Variants in FGF12 observed in about 807,000 individuals in gnomAD.
FGF12 encodes the protein fibroblast growth factor 12, also known as fibroblast growth factor 12B.
In FGF12, 14 loss-of-function variants were observed where a neutral mutation model predicts 23.6. The ratio of observed to expected loss-of-function variants is 0.59; its 90% CI spans 0.39 to 0.93. FGF12 has a LOEUF of 0.93. Ranked by LOEUF, FGF12 falls within the 40% of genes least tolerant of loss-of-function variation. The pLI, the probability that FGF12 is intolerant of heterozygous loss-of-function variation, is 0.00. For missense variants in FGF12, 175 were observed against 217.8 expected (o/e 0.80, Z 1.24); for synonymous variants, 62 against 77.3 (o/e 0.80, Z 1.04).
intron 2 of FGF12, among the ~76,000 whole-genome samples, chr3:192,493,861 C>T (rs1016727453): frequency 2.0e-5 from 3 of 152,124 alleles, no homozygotes; most frequent in African/African-American, 7.2e-5. Context: ...ACCTCCAGCA[C>T]TGGGAATTAC....
At chr3:192,272,325 G>C (rs954784480) in intron 4 of FGF12, among the ~76,000 whole-genome samples, 3 of 152,200 alleles carry the variant, frequency 2.0e-5, no homozygotes, top group Admixed American at 1.3e-4. Context: ...TGCAGACAAG[G>C]AAAGGGGACG....
At chr3:192,480,879 A>G (rs1444356395) in intron 2 of FGF12, among the ~76,000 whole-genome samples, 1 of 152,106 alleles carries the variant, frequency 6.6e-6, no homozygotes, top group South Asian at 2.1e-4. Context: ...CTATTGATTG[A>G]TCAAAGTGTT....
chr3:192,667,252 C>A (rs1716918534), intron 2 of FGF12, among the ~76,000 whole-genome samples: 1 of 152,036 alleles, frequency 6.6e-6, no homozygotes, highest in Non-Finnish European at 1.5e-5. Flanking sequence ...GGGAGAAAAG[C>A]TTCTGGAAAG....
rs76622295 is a variant in FGF12, at chr3:192,202,875, A to G, written c.229-32219T>C. Among the ~76,000 whole-genome samples the G allele has an allele frequency of 3.2e-4, 49 of 152,346 alleles. 1 individual carries two copies. The East Asian group carries it at 9.2e-3, about 29-fold the overall frequency. On this transcript the variant is annotated intron_variant, in intron 4 of 5. Coordinates refer to ENST00000445105, the MANE Select transcript of FGF12 (RefSeq NM_004113.6). Reference sequence around the variant, plus strand: ...ACGTGAAGCTGATAAAGACTGAAAAAAATAAGGTTAAGAACTTGTGATTAT... The same window carrying G: ...ACGTGAAGCTGATAAAGACTGAAAAGAATAAGGTTAAGAACTTGTGATTAT...
intron 4 of FGF12, among the ~76,000 whole-genome samples, chr3:192,328,508 T>C (rs1716942237): frequency 6.6e-6 from 1 of 152,184 alleles, no homozygotes; most frequent in South Asian, 2.1e-4. Flanking sequence ...CAATAGAAGC[T>C]CAGTATTTGG....
intron 2 of FGF12, among the ~76,000 whole-genome samples, chr3:192,586,748 G>GT (rs1713389100): frequency 6.6e-6 from 1 of 152,134 alleles, no homozygotes; most frequent in Non-Finnish European, 1.5e-5. Flanking sequence ...AAATATAAAT[G>GT]TAAGTCTAGG....
chr3:192,324,179 T>A (rs1716697096), intron 4 of FGF12, among the ~76,000 whole-genome samples: 1 of 151,926 alleles, frequency 6.6e-6, no homozygotes, highest in South Asian at 2.1e-4. Flanking sequence ...AACTTAAAAT[T>A]AAAAAATAAT....
intron 4 of FGF12, among the ~76,000 whole-genome samples, chr3:192,211,233 T>C (rs888781401): frequency 6.6e-6 from 1 of 152,094 alleles, no homozygotes; most frequent in African/African-American, 2.4e-5. Context: ...AAATATTATA[T>C]GTGGGATATA....
At chr3:192,518,845 T>G (rs1724744370) in intron 2 of FGF12, among the ~76,000 whole-genome samples, 5 of 152,176 alleles carry the variant, frequency 3.3e-5, no homozygotes, top group Non-Finnish European at 2.9e-5. Flanking sequence ...ATTTCTCTTC[T>G]TCCTTTTGTT....
At chr3:192,308,957 G>A (rs554731320) in intron 4 of FGF12, among the ~76,000 whole-genome samples, 2 of 152,190 alleles carry the variant, frequency 1.3e-5, no homozygotes, top group Non-Finnish European at 2.9e-5. Context: ...GTACAAACAT[G>A]TTTTGTAAAT....
intron 3 of FGF12, among the ~76,000 whole-genome samples, chr3:192,356,324 T>C (rs1397206650): frequency 6.6e-6 from 1 of 152,202 alleles, no homozygotes; most frequent in African/African-American, 2.4e-5. Flanking sequence ...ATGCTCTTAA[T>C]ATTTTATTGT....
chr3:192,469,110 C>T (rs566275656), intron 2 of FGF12, among the ~76,000 whole-genome samples: 1 of 152,216 alleles, frequency 6.6e-6, no homozygotes, highest in East Asian at 1.9e-4. Flanking sequence ...TGTTTAAGCA[C>T]GTCCTCATTT....
intron 2 of FGF12, among the ~76,000 whole-genome samples, chr3:192,688,054 G>T (rs894394296): frequency 1.3e-5 from 2 of 151,938 alleles, no homozygotes; most frequent in African/African-American, 2.4e-5. Flanking sequence ...CATGCCTTCA[G>T]CCAGCCGCCA....
chr3:192,317,561 C>T (rs1716294493), intron 4 of FGF12, among the ~76,000 whole-genome samples: 1 of 150,574 alleles, frequency 6.6e-6, no homozygotes, highest in South Asian at 2.1e-4. Context: ...CTAGCTCAAC[C>T]ACAGTAGAAT....
chr3:192,197,841 G>C (rs1717152837), intron 4 of FGF12, among the ~76,000 whole-genome samples: 1 of 151,634 alleles, frequency 6.6e-6, no homozygotes, highest in Non-Finnish European at 1.5e-5. Context: ...AGCTACTTGG[G>C]AGGCTGAGGC....
intron 2 of FGF12, among the ~76,000 whole-genome samples, chr3:192,622,797 C>T (rs1332532970): frequency 6.6e-6 from 1 of 152,158 alleles, no homozygotes; most frequent in Non-Finnish European, 1.5e-5. Flanking sequence ...TACACACAGA[C>T]ACAGACACAC....
chr3:192,600,828 T>A (rs1403093159), intron 2 of FGF12, among the ~76,000 whole-genome samples: 1 of 152,010 alleles, frequency 6.6e-6, no homozygotes, highest in African/African-American at 2.4e-5. Flanking sequence ...GAAAAAAGGT[T>A]ACTCTTATAT....
At chr3:192,551,103 T>G (rs1711515889) in intron 2 of FGF12, among the ~76,000 whole-genome samples, 1 of 152,192 alleles carries the variant, frequency 6.6e-6, no homozygotes, top group Non-Finnish European at 1.5e-5. Context: ...CAAAAACTAT[T>G]AACACATTAT....
chr3:192,529,943 T>G (rs1030097637), intron 2 of FGF12, among the ~76,000 whole-genome samples: 1 of 151,738 alleles, frequency 6.6e-6, no homozygotes, highest in African/African-American at 2.4e-5. Context: ...TGAGAAATGT[T>G]GTTACACATA....
Sources: allele counts gnomAD v4.1 joint callset (sites outside exome capture counted in the v4.1 genomes callset), GRCh38; gene constraint gnomAD v4.1.1; transcripts MANE v1.5; gene names NCBI Gene and HGNC (gene_info 2026-07-23, HGNC 2026-07-21).